THNSL2: variants seen among roughly 807,000 people sequenced by gnomAD.
The protein encoded by THNSL2 is threonine synthase-like 2.
In THNSL2, 34 loss-of-function variants were observed where a neutral mutation model predicts 40.0. The observed-to-expected ratio is 0.85, with a 90% CI of 0.65 to 1.13. The LOEUF (loss-of-function observed/expected upper bound fraction) is 1.13. Among genes scored for constraint, THNSL2 ranks in the 50% most tolerant of loss-of-function variants. THNSL2 has a pLI of 0.00. For missense variants in THNSL2, 537 were observed against 608.8 expected, an observed-to-expected ratio of 0.88 and a Z score of 1.24; for synonymous variants, 241 against 247.5, an observed-to-expected ratio of 0.97 and a Z score of 0.25.
In THNSL2 at chr2:88,170,410, G is replaced by GGCCTCGCGCCCCGC. The variant is rs1341881450; in HGVS notation, c.-55_-42dup. On this transcript the variant is annotated 5_prime_UTR_variant, in exon 1 of 9. Transcript: ENST00000674334. The stretch of plus-strand genomic sequence containing the variant: ...GCCCGGGCAGCCCTGCTGCGCACCG[G>GGCCTCGCGCCCCGC]GCCTCGCGCCCCGCGCCCCGCGCCC... 1.6e-5 allele frequency: 2 copies of GGCCTCGCGCCCCGC among 122,806 alleles called. No individual in the cohort carries two copies. Among genetic ancestry groups the GGCCTCGCGCCCCGC allele is most frequent in the East Asian group, 4.3e-4 (2 of 4,612 alleles). The allele number at this position is 122,806 out of a possible 1,614,324, so 7.6% of individuals were successfully genotyped here.
intron 1 of THNSL2, chr2:88,171,554 C>A: frequency 3.5e-6 from 1 of 287,426 alleles, no homozygotes; most frequent in Non-Finnish European, 7.1e-6. Context: ...TAAGTCTGGT[C>A]CTATGAAGGC....
chr2:88,171,421 G>A (rs1042678509), intron 1 of THNSL2: 1 of 431,188 alleles, frequency 2.3e-6, no homozygotes, highest in African/African-American at 2.0e-5. Flanking sequence ...TGCCCCAGGT[G>A]TGATATTCCT....
chr2:88,178,616 T>C (rs530930697), intron 4 of THNSL2, among the ~76,000 whole-genome samples, 167 bp from the exon 5 acceptor site: 1 of 152,280 alleles, frequency 6.6e-6, no homozygotes, highest in East Asian at 1.9e-4. Context: ...AGCTTAATAC[T>C]GAGTCTAGAT....
At chr2:88,178,029 T>G (rs1191055200) in intron 4 of THNSL2, among the ~76,000 whole-genome samples, 1 of 152,178 alleles carries the variant, frequency 6.6e-6, no homozygotes, top group Admixed American at 6.5e-5. Context: ...TCCCAGTAAA[T>G]TTCACCCCTC....
rs1487826923 is a variant in THNSL2, at chr2:88,174,838, G to T, written c.418+5G>T. On this transcript the variant is annotated splice_donor_5th_base_variant and intron_variant, in intron 3 of 8. Coordinates refer to ENST00000674334, the MANE Select transcript of THNSL2 (RefSeq NM_018271.5). ...AGCACGTCACTGTGGTTGTAGGTGT[G>T]TTTTTGGGGCACAAACGCAGAATAC... 1 of 1,613,296 alleles carries T rather than the reference G, an allele frequency of 6.2e-7. No homozygotes were observed. Among genetic ancestry groups the T allele is most frequent in the East Asian group, 2.2e-5 (1 of 44,856 alleles).
chr2:88,174,403 A>G (rs926231358), intron 2 of THNSL2, among the ~76,000 whole-genome samples: 3 of 152,240 alleles, frequency 2.0e-5, no homozygotes, highest in African/African-American at 7.2e-5. Flanking sequence ...AAAGTCTTCT[A>G]GTACCAATTC....
intron 4 of THNSL2, 71 bp from the exon 5 acceptor site, chr2:88,178,712 G>A (rs923176381): frequency 1.7e-5 from 27 of 1,543,640 alleles, no homozygotes; most frequent in Admixed American, 1.2e-4. Context: ...GGGCCCTGTC[G>A]CAGGTGAGTG....
intron 3 of THNSL2, 77 bp downstream of exon 3, chr2:88,174,910 A>G (rs1425740335): frequency 1.3e-6 from 2 of 1,498,364 alleles, no homozygotes; most frequent in South Asian, 1.2e-5. Context: ...TGCTGTTCAT[A>G]GAGCCACTCA....
At chr2:88,183,140 G>A in intron 7 of THNSL2, 67 bp downstream of exon 7, 1 of 1,570,312 alleles carries the variant, frequency 6.4e-7, no homozygotes. Flanking sequence ...TTGGGGTTTG[G>A]AAGTCTGGTC....
chr2:88,174,695 A>C lies in THNSL2; in HGVS notation c.280A>C (p.Arg94=). 1 of 1,614,186 alleles carries C rather than the reference A, an allele frequency of 6.2e-7. No homozygotes were observed. Among genetic ancestry groups the C allele is most frequent in the Non-Finnish European group, 8.5e-7 (1 of 1,180,028 alleles). ...FRHREVVHLS[R]LRNGLNVLEL... Reference sequence around the variant, plus strand: ...TCACAGAGAAGTGGTCCATCTGTCCAGGTTGAGGAATGGGCTGAACGTGTT... The same window carrying C: ...TCACAGAGAAGTGGTCCATCTGTCCCGGTTGAGGAATGGGCTGAACGTGTT... The change falls in exon 3 of 9, where the codon AGG becomes CGG. Residue 94 remains arginine, a synonymous_variant. Transcript: ENST00000674334.
At position 88,178,804 on chromosome 2, in the gene THNSL2, T is replaced by TCGATGAGCC; in HGVS notation, c.594_602dup (p.Asp199_Pro201dup). On this transcript the variant is annotated inframe_insertion, in exon 5 of 9. Transcript: ENST00000674334. ...GCAGTGGAGGGAAACAGCGATGAGC[T>TCGATGAGCC]CGATGAGCCGATCAAGACTGTGTTT... 1 of 1,614,064 alleles carries TCGATGAGCC rather than the reference T, an allele frequency of 6.2e-7. No individual in the cohort carries two copies. Among genetic ancestry groups the TCGATGAGCC allele is most frequent in the Non-Finnish European group, 8.5e-7 (1 of 1,180,030 alleles).
chr2:88,186,012 GAC>G lies in THNSL2; in HGVS notation c.1347_1348del (p.Arg450LeufsTer8), dbSNP rs1411072093. On this transcript the variant is annotated frameshift_variant, in exon 9 of 9. Transcript: ENST00000674334. LOFTEE classifies it low-confidence loss of function (END_TRUNC). ...AEIVALEHKE[T>X]RCTLMRRGDN... is the part of the protein sequence containing the mutation. ...AGATCGTAGCCCTGGAGCACAAGGA[GAC>G]ACGCTGCACCCTGATGCGGAGAGGT... is the stretch of plus-strand genomic sequence containing the variant. 6.2e-7 allele frequency: 1 copy of G among 1,610,500 alleles called. No individual in the cohort carries two copies. The highest frequency in any genetic ancestry group is 1.3e-5 in the African/African-American group (1 of 74,882).
chr2:88,184,170 G>A (rs1238738887), intron 7 of THNSL2, among the ~76,000 whole-genome samples: 1 of 152,152 alleles, frequency 6.6e-6, no homozygotes, highest in Admixed American at 6.5e-5. Context: ...TGGAATCTGT[G>A]CTTCTTTTGA....
Position 88,181,573 on chromosome 2 carries a change from C to T in THNSL2, c.803-1126C>T, listed in dbSNP as rs182187451. ...TCCCCTCTCTCTCCTCTCTCTCTTGCTGTGTGTGTGTGTGTGTGTGTCTGT... is the reference window on the plus strand; with the variant it reads ...TCCCCTCTCTCTCCTCTCTCTCTTGTTGTGTGTGTGTGTGTGTGTGTCTGT... On this transcript the variant is annotated intron_variant, in intron 5 of 8. Coordinates refer to ENST00000674334, the MANE Select transcript of THNSL2 (RefSeq NM_018271.5). Among the ~76,000 whole-genome samples the T allele has an allele frequency of 6.3e-4, 75 of 119,794 alleles. No individual in the cohort carries two copies. The East Asian group carries it at 0.02, about 31-fold the overall frequency. 78.6% of individuals were successfully genotyped at this position (119,794 alleles called of 152,430 possible).
chr2:88,185,758 A>G (rs1678219957), intron 8 of THNSL2, 140 bp from the exon 9 acceptor site: 1 of 1,546,394 alleles, frequency 6.5e-7, no homozygotes. Flanking sequence ...TCAAGGTGCC[A>G]ATTGTCTGTC....
Position 88,186,105 on chromosome 2 carries a change from C to A in THNSL2, c.1437C>A (p.Ala479=). The change falls in exon 9 of 9, where the codon GCC becomes GCA. Residue 479 remains alanine (A), a synonymous_variant. Transcript: ENST00000674334. ...TTAGCCGACAGTGGAGGAGTCATGC[C>A]CTCAACACCTCCCAGTAGCCTGGCT... ...EDLSRQWRSH[A]LNTSQ 6.4e-7 allele frequency: 1 copy of A among 1,556,462 alleles called. No homozygotes were observed. Among genetic ancestry groups the A allele is most frequent in the Non-Finnish European group, 8.7e-7 (1 of 1,149,478 alleles).
At chr2:88,180,965 T>C (rs1677478766) in intron 5 of THNSL2, among the ~76,000 whole-genome samples, 1 of 152,086 alleles carries the variant, frequency 6.6e-6, no homozygotes. Flanking sequence ...AACATTCATT[T>C]CCTCTTCCAA....
rs28656428 is a variant in THNSL2 at position 88,185,143 on chromosome 2, A to G, written c.1078-185A>G. 0.067 allele frequency among the ~76,000 whole-genome samples: 10,157 copies of G among 152,230 alleles called. 904 individuals are homozygous for G. Among genetic ancestry groups the G allele is most frequent in the African/African-American group, 0.21 (8,592 of 41,494 alleles). On this transcript the variant is annotated intron_variant, in intron 7 of 8. Transcript: ENST00000674334. The stretch of plus-strand genomic sequence containing the variant: ...AAAACTCAAACGTATCTTTCCTCCA[A>G]GTTGAGTGAGTCAGCTCAAAACTAG...
In THNSL2 at chr2:88,186,396, C is replaced by T. The variant is rs1678294094; in HGVS notation, c.*273C>T. On this transcript the variant is annotated 3_prime_UTR_variant, in exon 9 of 9. Coordinates refer to ENST00000674334, the MANE Select transcript of THNSL2 (RefSeq NM_018271.5). Reference sequence around the variant, plus strand: ...TGAGCTGTAGTGAAAGTTTCAGGGCCTGCAAAAGAAGAGGCTTGGGCACAG... The same window carrying T: ...TGAGCTGTAGTGAAAGTTTCAGGGCTTGCAAAAGAAGAGGCTTGGGCACAG... 4.2e-6 allele frequency: 2 copies of T among 479,638 alleles called. No homozygotes were observed. Among genetic ancestry groups the T allele is most frequent in the Non-Finnish European group, 3.8e-6 (1 of 261,606 alleles). 29.7% of individuals were successfully genotyped at this position (479,638 alleles called of 1,614,324 possible). A position where few individuals can be genotyped will look rare whatever the true frequency, so the allele number is the denominator to read the frequency against.
Sources: gnomAD v4.1 joint callset for allele counts (sites outside exome capture counted in the v4.1 genomes callset) on GRCh38, gnomAD v4.1.1 for gene constraint, MANE v1.5 for transcripts, NCBI Gene and HGNC (gene_info 2026-07-23, HGNC 2026-07-21) for gene names.